TASP1: variants seen among roughly 807,000 people sequenced by gnomAD.
The protein encoded by TASP1 is taspase 1, also known as threonine aspartase 1.
TASP1 carries 16 observed loss-of-function variants against 56.6 expected under a neutral mutation model. That is an observed-to-expected ratio of 0.28 (90% CI 0.19 to 0.43). The LOEUF is 0.43. Ranked by LOEUF, TASP1 falls within the 20% of genes least tolerant of loss-of-function variation. The pLI, the probability that TASP1 is intolerant of heterozygous loss-of-function variation, is 1.00. For synonymous variants in TASP1, 179 were observed against 184.2 expected (o/e 0.97, Z 0.23); for missense variants, 393 against 511.6 (o/e 0.77, Z 2.24).
intron 10 of TASP1, among the ~76,000 whole-genome samples, chr20:13,513,778 T>C (rs1354247746): frequency 6.6e-6 from 1 of 152,110 alleles, no homozygotes; most frequent in Non-Finnish European, 1.5e-5. Context: ...AAGGTGGTTC[T>C]GAGGAAAGTC....
At chr20:13,600,280 T>C (rs1003570421) in intron 4 of TASP1, among the ~76,000 whole-genome samples, 16 of 152,204 alleles carry the variant, frequency 1.1e-4, no homozygotes, top group African/African-American at 3.6e-4. Flanking sequence ...AAAATACTTA[T>C]GTAAATGCAA....
the TASP1 span, among the ~76,000 whole-genome samples, chr20:13,211,837 A>C: frequency 6.6e-6 from 1 of 152,170 alleles, no homozygotes. Flanking sequence ...TGAGCAAAGA[A>C]TGGTTTTTAC....
At chr20:13,362,808 AATATATATATATATATAT>A in the TASP1 span, among the ~76,000 whole-genome samples, 3 of 114,848 alleles carry the variant, frequency 2.6e-5, no homozygotes, top group South Asian at 3.0e-4. Context: ...AATAGCAAGA[AATATATATATATATATAT>A]ATATATATAT....
chr20:13,228,075 C>T, the TASP1 span, among the ~76,000 whole-genome samples: 10 of 149,648 alleles, frequency 6.7e-5, no homozygotes, highest in African/African-American at 1.2e-4. Context: ...CGGGTTCAAG[C>T]GATTCTCGTG....
At chr20:13,154,955 T>C in the TASP1 span, among the ~76,000 whole-genome samples, 1 of 151,676 alleles carries the variant, frequency 6.6e-6, no homozygotes, top group African/African-American at 2.4e-5. Context: ...CTGAGGCAGG[T>C]GGATCACCTG....
At chr20:13,624,982 G>A (rs1037764736) in intron 3 of TASP1, among the ~76,000 whole-genome samples, 1 of 152,142 alleles carries the variant, frequency 6.6e-6, no homozygotes, top group African/African-American at 2.4e-5. Context: ...CTTTAATCTG[G>A]GAAAGTGGGG....
At chr20:13,535,987 A>G (rs756255400) in intron 8 of TASP1, among the ~76,000 whole-genome samples, 3 of 152,220 alleles carry the variant, frequency 2.0e-5, no homozygotes, top group Non-Finnish European at 4.4e-5. Context: ...AAGATGGATA[A>G]TCTTAAAGAG....
At chr20:13,216,258 A>G in the TASP1 span, among the ~76,000 whole-genome samples, 2 of 152,312 alleles carry the variant, frequency 1.3e-5, no homozygotes, top group African/African-American at 4.8e-5. Context: ...GAGAGTAGAC[A>G]TTCTTAGCCC....
chr20:13,351,357 T>A, the TASP1 span, among the ~76,000 whole-genome samples: 1 of 152,222 alleles, frequency 6.6e-6, no homozygotes, highest in Non-Finnish European at 1.5e-5. Context: ...AAGCCTCTCC[T>A]CACACAGATA....
chr20:13,246,856 C>A, the TASP1 span, among the ~76,000 whole-genome samples: 1 of 152,226 alleles, frequency 6.6e-6, no homozygotes, highest in East Asian at 1.9e-4. Context: ...CTTGATAACT[C>A]CTGCATTGTA....
At chr20:13,315,681 A>G in the TASP1 span, among the ~76,000 whole-genome samples, 1 of 152,042 alleles carries the variant, frequency 6.6e-6, no homozygotes, top group Admixed American at 6.5e-5. Context: ...ACTTCATCCA[A>G]CAACAGCAGA....
chr20:13,274,406 T>C, the TASP1 span, among the ~76,000 whole-genome samples: 1 of 152,150 alleles, frequency 6.6e-6, no homozygotes, highest in African/African-American at 2.4e-5. Context: ...GGCCCTTCAG[T>C]AGGTCAGCTT....
At chr20:13,174,976 A>G in the TASP1 span, among the ~76,000 whole-genome samples, 3 of 152,278 alleles carry the variant, frequency 2.0e-5, no homozygotes, top group South Asian at 2.1e-4. Flanking sequence ...ATTCCCCTGC[A>G]TAAGCTGTCT....
At chr20:13,532,635 G>T (rs935344822) in intron 9 of TASP1, among the ~76,000 whole-genome samples, 1 of 152,186 alleles carries the variant, frequency 6.6e-6, no homozygotes, top group African/African-American at 2.4e-5. Context: ...AGTTCTAAGT[G>T]CAGTGGCAGA....
At chr20:13,253,113 T>A in the TASP1 span, among the ~76,000 whole-genome samples, 3 of 152,218 alleles carry the variant, frequency 2.0e-5, no homozygotes, top group African/African-American at 7.2e-5. Flanking sequence ...TTTGGGGTAC[T>A]TGCTACCCAA....
chr20:13,514,598 A>G (rs535434625), intron 10 of TASP1, among the ~76,000 whole-genome samples: 1 of 152,278 alleles, frequency 6.6e-6, no homozygotes, highest in African/African-American at 2.4e-5. Flanking sequence ...TTGCTCTTCA[A>G]TTCAATGTAG....
chr20:13,364,757 G>A, the TASP1 span, among the ~76,000 whole-genome samples: 3 of 152,286 alleles, frequency 2.0e-5, no homozygotes, highest in Non-Finnish European at 4.4e-5. Context: ...CTGTTCGTTA[G>A]ATTGCTGTAC....
At chr20:13,357,344 C>A in the TASP1 span, among the ~76,000 whole-genome samples, 1 of 152,120 alleles carries the variant, frequency 6.6e-6, no homozygotes, top group Non-Finnish European at 1.5e-5. Context: ...GCTACGAATT[C>A]ATTATCATGC....
chr20:13,467,186 T>TACACACACACAC (rs3042647), intron 11 of TASP1, among the ~76,000 whole-genome samples: 100 of 146,878 alleles, frequency 6.8e-4, no homozygotes, highest in African/African-American at 1.5e-3. Flanking sequence ...ACACATACAA[T>TACACACACACAC]ACACACACAC....
Sources: gnomAD v4.1 joint callset for allele counts (sites outside exome capture counted in the v4.1 genomes callset) on GRCh38, gnomAD v4.1.1 for gene constraint, MANE v1.5 for transcripts, NCBI Gene and HGNC (gene_info 2026-07-23, HGNC 2026-07-21) for gene names.